Variants in TNS3 observed in about 807,000 individuals in gnomAD.
The protein encoded by TNS3 is tensin-3.
In TNS3, 45 loss-of-function variants were observed where a neutral mutation model predicts 140.9. That is an observed-to-expected ratio of 0.32 (90% confidence interval 0.25 to 0.41). The LOEUF (loss-of-function observed/expected upper bound fraction) is 0.41. TNS3 is among the 10% of genes least tolerant of loss of function. TNS3 has a pLI of 1.00. For missense variants in TNS3, 1,716 were observed against 1,906.7 expected, an observed-to-expected ratio of 0.90 and a Z score of 1.86; for synonymous variants, 815 against 788.4, an observed-to-expected ratio of 1.03 and a Z score of -0.56.
intron 1 of TNS3, among the ~76,000 whole-genome samples, chr7:47,570,766 G>A (rs904258547): frequency 8.5e-5 from 13 of 152,176 alleles, no homozygotes; most frequent in Admixed American, 5.9e-4. Flanking sequence ...GTCACACCTT[G>A]GCAAGTACAC....
intron 4 of TNS3, among the ~76,000 whole-genome samples, chr7:47,468,684 A>C (rs148818805): frequency 0.012 from 1,804 of 152,344 alleles, 41 homozygotes; most frequent in African/African-American, 0.041. Context: ...TACAGATTCA[A>C]TGCTATTCCT....
intron 28 of TNS3, among the ~76,000 whole-genome samples, chr7:47,282,490 T>C (rs1266409511): frequency 6.7e-6 from 1 of 148,156 alleles, no homozygotes; most frequent in Non-Finnish European, 1.5e-5. Flanking sequence ...CCTGTGACCC[T>C]GACCCTGAGA....
intron 4 of TNS3, among the ~76,000 whole-genome samples, chr7:47,448,167 C>CG (rs1795842969): frequency 6.6e-6 from 1 of 152,246 alleles, no homozygotes; most frequent in Admixed American, 6.5e-5. Context: ...GGCCACCACC[C>CG]GGGCAGGAGT....
chr7:47,332,442 C>T (rs540606851), intron 20 of TNS3, among the ~76,000 whole-genome samples: 27 of 152,270 alleles, frequency 1.8e-4, no homozygotes, highest in Admixed American at 2.0e-4. Context: ...TTCAAAGCAG[C>T]GAGGAGGAGA....
intron 27 of TNS3, among the ~76,000 whole-genome samples, chr7:47,284,818 A>T (rs1785329450): frequency 6.6e-6 from 1 of 152,254 alleles, no homozygotes; most frequent in Non-Finnish European, 1.5e-5. Context: ...GTTTTCCCAC[A>T]GTCTACAGCA....
intron 4 of TNS3, among the ~76,000 whole-genome samples, chr7:47,459,208 T>A (rs35670058): frequency 0.22 from 33,218 of 152,072 alleles, 3,978 homozygotes; most frequent in African/African-American, 0.33. Context: ...AATGTTAACA[T>A]CCTTAGTGGC....
At chr7:47,579,995 G>T in intron 1 of TNS3, 1 of 177,812 alleles carries the variant, frequency 5.6e-6, no homozygotes, top group Non-Finnish European at 9.2e-6. Flanking sequence ...GTGCCAAAGA[G>T]ACACTTTGTT....
chr7:47,559,642 C>T (rs1194036347), intron 1 of TNS3, among the ~76,000 whole-genome samples: 1 of 152,074 alleles, frequency 6.6e-6, no homozygotes, highest in Non-Finnish European at 1.5e-5. Flanking sequence ...GAGGCCAGCC[C>T]TCCTGCTCTA....
intron 10 of TNS3, among the ~76,000 whole-genome samples, chr7:47,418,841 ATCTG>A (rs1794220006): frequency 6.6e-6 from 1 of 152,270 alleles, no homozygotes; most frequent in South Asian, 2.1e-4. Context: ...GTTAGCTTAA[ATCTG>A]TCTGAAATGG....
At chr7:47,388,630 CCAGGTGGGCA>C (rs1341291806) in intron 16 of TNS3, among the ~76,000 whole-genome samples, 4 of 152,028 alleles carry the variant, frequency 2.6e-5, no homozygotes, top group Non-Finnish European at 5.9e-5. Flanking sequence ...TTTGGGAGGC[CCAGGTGGGCA>C]GATCTCCTGA....
chr7:47,368,255 C>T, intron 17 of TNS3, 110 bp downstream of exon 17: 1 of 1,134,124 alleles, frequency 8.8e-7, no homozygotes, highest in Non-Finnish European at 1.2e-6. Flanking sequence ...GGAAATGTCC[C>T]TCCCTTGTGG....
chr7:47,521,727 T>C (rs1436122185), intron 2 of TNS3, among the ~76,000 whole-genome samples: 1 of 152,088 alleles, frequency 6.6e-6, no homozygotes, highest in African/African-American at 2.4e-5. Context: ...ATGAGCCCTG[T>C]GCAGCCGGCC....
chr7:47,523,056 G>C (rs1479669655), intron 2 of TNS3, among the ~76,000 whole-genome samples: 1 of 152,146 alleles, frequency 6.6e-6, no homozygotes, highest in Non-Finnish European at 1.5e-5. Context: ...ATAAACAGTT[G>C]CTTATTTCTC....
At position 47,277,548 on chromosome 7, in the gene TNS3, A is replaced by T. The variant is rs1784921023; in HGVS notation, c.*528T>A. ...GTTCCAGAAGGGCCTGACTTGCACA[A>T]ACCTTCGTCAAACATACGCCCCCTT... On this transcript the variant is annotated 3_prime_UTR_variant, in exon 31 of 31. Coordinates refer to ENST00000311160, the MANE Select transcript of TNS3 (RefSeq NM_022748.12). 1.0e-5 allele frequency: 2 copies of T among 200,682 alleles called. No individual in the cohort carries two copies. Among genetic ancestry groups the T allele is most frequent in the Non-Finnish European group, 2.0e-5 (2 of 98,654 alleles). 12.4% of individuals were successfully genotyped at this position (200,682 alleles called of 1,614,324 possible). A position where few individuals can be genotyped will look rare whatever the true frequency, so the allele number is the denominator to read the frequency against.
At position 47,345,000 on chromosome 7, in the gene TNS3, G is replaced by A. The variant is rs200492693; in HGVS notation, c.2490C>T (p.Ile830=). ...TPGYPQDLDI[I]DGRILSSKES... ...CCTTGCTACTTAAAATTCTGCCATC[G>A]ATAATATCGAGGTCCTGGGGATAGC... is the stretch of plus-strand genomic sequence containing the variant. The change falls in exon 19 of 31, where the codon ATC becomes ATT. Residue 830 remains isoleucine (I), a synonymous_variant. Transcript: ENST00000311160. 6.2e-6 allele frequency: 10 copies of A among 1,614,156 alleles called. No homozygotes were observed. The highest frequency in any genetic ancestry group is 5.5e-5 in the South Asian group (5 of 91,066).
intron 1 of TNS3, among the ~76,000 whole-genome samples, chr7:47,568,543 GAATA>G (rs1311639021): frequency 6.6e-6 from 1 of 152,218 alleles, no homozygotes; most frequent in Non-Finnish European, 1.5e-5. Flanking sequence ...GTGAATGAAT[GAATA>G]AAGGAAGGAA....
intron 3 of TNS3, 130 bp downstream of exon 3, chr7:47,506,777 C>T (rs334496): frequency 0.67 from 376,174 of 560,344 alleles, 127,409 homozygotes; most frequent in Admixed American, 0.71. Flanking sequence ...ATACACCGTA[C>T]CCCAGCCCTG....
At chr7:47,488,723 C>T (rs1286740155) in intron 3 of TNS3, among the ~76,000 whole-genome samples, 1 of 152,076 alleles carries the variant, frequency 6.6e-6, no homozygotes, top group African/African-American at 2.4e-5. Context: ...AATCAAAGGT[C>T]TGACAGGACG....
chr7:47,356,611 T>C (rs943316201), intron 17 of TNS3, among the ~76,000 whole-genome samples: 5 of 152,202 alleles, frequency 3.3e-5, no homozygotes, highest in Admixed American at 2.6e-4. Flanking sequence ...GATGCAATAT[T>C]GACTAAGACA....
Sources: allele counts gnomAD v4.1 joint callset (sites outside exome capture counted in the v4.1 genomes callset), GRCh38; gene constraint gnomAD v4.1.1; transcripts MANE v1.5; gene names NCBI Gene and HGNC (gene_info 2026-07-23, HGNC 2026-07-21).